Variants in BRINP3 observed in about 807,000 individuals in gnomAD.
BRINP3 encodes the protein BMP/retinoic acid-inducible neural-specific protein 3.
BRINP3 carries 19 observed loss-of-function variants against 71.0 expected under a neutral mutation model. The observed-to-expected ratio is 0.27, with a 90% CI of 0.19 to 0.39. The LOEUF is 0.39. Among genes scored for constraint, BRINP3 ranks in the 10% least tolerant of loss-of-function variants. BRINP3 has a pLI of 1.00. For missense variants in BRINP3, 959 were observed against 940.8 expected (o/e 1.02, Z -0.25); for synonymous variants, 380 against 337.7 (o/e 1.13, Z -1.37).
chr1:190,114,707 A>G (rs926917443), intron 7 of BRINP3, among the ~76,000 whole-genome samples: 2 of 151,950 alleles, frequency 1.3e-5, no homozygotes, highest in African/African-American at 4.8e-5. Context: ...GGCCCGTAAG[A>G]CCCTGTATAA....
At chr1:190,301,952 G>A (rs554136382) in intron 2 of BRINP3, among the ~76,000 whole-genome samples, 2 of 151,680 alleles carry the variant, frequency 1.3e-5, no homozygotes, top group African/African-American at 2.4e-5. Flanking sequence ...TGCTGAAAGT[G>A]TTTTGGTACT....
At chr1:190,263,761 T>C (rs933642159) in intron 4 of BRINP3, among the ~76,000 whole-genome samples, 1 of 151,750 alleles carries the variant, frequency 6.6e-6, no homozygotes, top group Non-Finnish European at 1.5e-5. Flanking sequence ...GCTAATTTTT[T>C]GTATTTTTAG....
chr1:190,317,406 T>A (rs1004503545), intron 2 of BRINP3, among the ~76,000 whole-genome samples: 2 of 152,094 alleles, frequency 1.3e-5, no homozygotes, highest in African/African-American at 4.8e-5. Context: ...GAGGCCATTA[T>A]GGAGAAAGTT....
intron 1 of BRINP3, chr1:190,474,385 A>G (rs1305745262): frequency 6.6e-6 from 1 of 152,666 alleles, no homozygotes; most frequent in African/African-American, 2.4e-5. Context: ...TATGATTGTC[A>G]AGAAAATACA....
At chr1:190,226,432 T>G (rs1369509091) in intron 5 of BRINP3, 114 bp from the exon 6 acceptor site, 4 of 562,038 alleles carry the variant, frequency 7.1e-6, no homozygotes, top group Admixed American at 3.9e-5. Context: ...AAATTTTGAA[T>G]TATGTATTTT....
rs757848393 is a variant in BRINP3 at position 190,454,680 on chromosome 1, A to G, written c.211T>C (p.Phe71Leu). ...TDFVDRSRQG[F>L]STRYKIYREF... ...CTGTATATCTTGTATCTTGTGCTAAATCCCTGCCGGCTTCTGTCCACAAAA... is the reference window on the plus strand; with the variant it reads ...CTGTATATCTTGTATCTTGTGCTAAGTCCCTGCCGGCTTCTGTCCACAAAA... Residue 71 changes from phenylalanine to leucine, a missense_variant, in exon 2 of 8, where the codon TTT becomes CTT. Coordinates refer to ENST00000367462, the MANE Select transcript of BRINP3 (RefSeq NM_199051.3). 1 of 1,614,052 alleles carries G rather than the reference A, an allele frequency of 6.2e-7. No homozygotes were observed. The highest frequency in any genetic ancestry group is 8.5e-7 in the Non-Finnish European group (1 of 1,179,980).
chr1:190,102,270 T>C (rs1203328520), intron 7 of BRINP3, among the ~76,000 whole-genome samples: 1 of 152,128 alleles, frequency 6.6e-6, no homozygotes, highest in Non-Finnish European at 1.5e-5. Context: ...ACATAGGTGG[T>C]TCCCCCACCC....
chr1:190,252,444 C>A (rs1376090755), intron 4 of BRINP3, among the ~76,000 whole-genome samples: 1 of 152,086 alleles, frequency 6.6e-6, no homozygotes, highest in Non-Finnish European at 1.5e-5. Flanking sequence ...TACTCCACTA[C>A]ACTGAAGCAG....
At chr1:190,308,426 G>A (rs140761828) in intron 2 of BRINP3, among the ~76,000 whole-genome samples, 1 of 151,774 alleles carries the variant, frequency 6.6e-6, no homozygotes, top group East Asian at 2.0e-4. Context: ...CCACAAAGGA[G>A]GTGGGAATTG....
chr1:190,303,541 T>C (rs1664879561), intron 2 of BRINP3, among the ~76,000 whole-genome samples: 1 of 151,838 alleles, frequency 6.6e-6, no homozygotes, highest in South Asian at 2.1e-4. Flanking sequence ...ATCAGTCATT[T>C]ATTTCATTTG....
chr1:190,382,069 T>G (rs1229490349), intron 2 of BRINP3, among the ~76,000 whole-genome samples: 1 of 152,102 alleles, frequency 6.6e-6, no homozygotes, highest in Admixed American at 6.6e-5. Context: ...ATACTATTAG[T>G]AACACTTTTG....
At chr1:190,278,556 A>G (rs956788098) in intron 3 of BRINP3, among the ~76,000 whole-genome samples, 1 of 151,124 alleles carries the variant, frequency 6.6e-6, no homozygotes, top group African/African-American at 2.4e-5. Flanking sequence ...AAGCTATTTA[A>G]ATAATTTCAT....
intron 2 of BRINP3, among the ~76,000 whole-genome samples, chr1:190,438,830 C>T (rs2102546225): frequency 6.6e-6 from 1 of 151,910 alleles, no homozygotes; most frequent in African/African-American, 2.4e-5. Context: ...TACCAGTTAT[C>T]AATGTAGATT....
chr1:190,272,836 C>T (rs1296952913), intron 3 of BRINP3, among the ~76,000 whole-genome samples: 1 of 151,482 alleles, frequency 6.6e-6, no homozygotes, highest in East Asian at 1.9e-4. Flanking sequence ...TGTAAGGCAA[C>T]TTAAATCTGC....
At chr1:190,265,217 G>C (rs1661551217) in intron 3 of BRINP3, among the ~76,000 whole-genome samples, 162 bp from the exon 4 acceptor site, 1 of 151,916 alleles carries the variant, frequency 6.6e-6, no homozygotes, top group African/African-American at 2.4e-5. Flanking sequence ...TATTTCTCAA[G>C]TACCTCAAAA....
chr1:190,150,008 C>G (rs934688811), intron 7 of BRINP3, among the ~76,000 whole-genome samples: 1 of 152,064 alleles, frequency 6.6e-6, no homozygotes, highest in African/African-American at 2.4e-5. Context: ...TGTATTCACT[C>G]ACTTTATAAC....
intron 2 of BRINP3, among the ~76,000 whole-genome samples, chr1:190,316,427 C>G (rs1226752786): frequency 6.6e-6 from 1 of 152,036 alleles, no homozygotes; most frequent in Non-Finnish European, 1.5e-5. Context: ...AATTGCTATT[C>G]TGAGACAAAA....
intron 6 of BRINP3, among the ~76,000 whole-genome samples, chr1:190,161,230 A>G (rs573030427): frequency 2.0e-5 from 3 of 152,122 alleles, no homozygotes; most frequent in Non-Finnish European, 2.9e-5. Context: ...ACTTTCTTCA[A>G]TACATAATCA....
chr1:190,458,409 A>G (rs1329484673), intron 1 of BRINP3, among the ~76,000 whole-genome samples: 1 of 152,092 alleles, frequency 6.6e-6, no homozygotes, highest in Non-Finnish European at 1.5e-5. Context: ...TCATAATAGA[A>G]TGCCTAAGGC....
Sources: gnomAD v4.1 joint callset for allele counts (sites outside exome capture counted in the v4.1 genomes callset) on GRCh38, gnomAD v4.1.1 for gene constraint, MANE v1.5 for transcripts, NCBI Gene and HGNC (gene_info 2026-07-23, HGNC 2026-07-21) for gene names.